Variants in DDR2 observed in about 807,000 individuals in gnomAD.
The protein encoded by DDR2 is discoidin domain-containing receptor 2.
Under a neutral mutation model 94.9 loss-of-function variants are expected in DDR2, and 27 were observed. The observed-to-expected ratio is 0.28, with a 90% CI of 0.21 to 0.39. DDR2 has a LOEUF of 0.39. DDR2 is among the 10% of genes least tolerant of loss of function. DDR2 has a pLI of 1.00. For synonymous variants in DDR2, 382 were observed against 377.2 expected (o/e 1.01, Z -0.15); for missense variants, 783 against 1,076.0 (o/e 0.73, Z 3.81).
intron 1 of DDR2, among the ~76,000 whole-genome samples, chr1:162,638,302 T>C (rs1656941674): frequency 6.6e-6 from 1 of 152,244 alleles, no homozygotes; most frequent in South Asian, 2.1e-4. Flanking sequence ...ATTACAGGCA[T>C]GAGCCACTGC....
At chr1:162,741,204 C>CAATATAATAT (rs1213689449) in intron 3 of DDR2, among the ~76,000 whole-genome samples, 14 of 50,338 alleles carry the variant, frequency 2.8e-4, no homozygotes, top group East Asian at 1.7e-3. Context: ...TAATACAATA[C>CAATATAATAT]AATACAATAT....
intron 9 of DDR2, among the ~76,000 whole-genome samples, chr1:162,764,133 C>T (rs992527444): frequency 3.3e-5 from 5 of 152,124 alleles, no homozygotes; most frequent in Admixed American, 2.0e-4. Flanking sequence ...GTTAGGGTAA[C>T]AGTGGGATAA....
At chr1:162,642,611 CA>C (rs1386033563) in intron 1 of DDR2, among the ~76,000 whole-genome samples, 1 of 152,044 alleles carries the variant, frequency 6.6e-6, no homozygotes, top group Non-Finnish European at 1.5e-5. Flanking sequence ...ATTTTAACAA[CA>C]AATAGAAGGT....
Position 162,785,515 on chromosome 1 carries a change from A to C in DDR2, c.*5269A>C, listed in dbSNP as rs1333468916. The C allele has an allele frequency of 6.6e-6, 1 of 152,192 alleles. No homozygotes were observed. Among genetic ancestry groups the C allele is most frequent in the African/African-American group, 2.4e-5 (1 of 41,448 alleles). The allele number at this position is 152,192 out of a possible 1,614,324, so 9.4% of individuals were successfully genotyped here. A position where few individuals can be genotyped will look rare whatever the true frequency, so the allele number is the denominator to read the frequency against. On this transcript the variant is annotated 3_prime_UTR_variant, in exon 18 of 18. Transcript: ENST00000367921. Reference sequence around the variant, plus strand: ...AGAAGTTGAAACTCCAGTTTTGTGGATTACAGTTTTGAGTTTTATGATTGA... The same window carrying C: ...AGAAGTTGAAACTCCAGTTTTGTGGCTTACAGTTTTGAGTTTTATGATTGA...
At chr1:162,685,686 C>T (rs999695371) in intron 2 of DDR2, among the ~76,000 whole-genome samples, 9 of 151,934 alleles carry the variant, frequency 5.9e-5, no homozygotes, top group South Asian at 2.1e-4. Context: ...ACTGTTTTAT[C>T]GACGTACATA....
intron 3 of DDR2, among the ~76,000 whole-genome samples, chr1:162,747,527 G>T (rs1044723054): frequency 6.6e-6 from 1 of 151,552 alleles, no homozygotes; most frequent in Non-Finnish European, 1.5e-5. Flanking sequence ...CATCTGACTG[G>T]TGTACCTGAA....
At chr1:162,723,552 T>G (rs1172754989) in intron 3 of DDR2, among the ~76,000 whole-genome samples, 2 of 152,126 alleles carry the variant, frequency 1.3e-5, no homozygotes. Flanking sequence ...AATAGAACTA[T>G]CCTGATGATC....
chr1:162,697,195 A>G (rs904562972), intron 2 of DDR2, among the ~76,000 whole-genome samples: 6 of 152,202 alleles, frequency 3.9e-5, no homozygotes, highest in Admixed American at 2.0e-4. Flanking sequence ...GATAAAGACT[A>G]TTGGTTAGAG....
At chr1:162,641,522 C>A (rs1571132518) in intron 1 of DDR2, among the ~76,000 whole-genome samples, 1 of 152,188 alleles carries the variant, frequency 6.6e-6, no homozygotes, top group Admixed American at 6.5e-5. Context: ...GGTGATTGCT[C>A]TAACTCACCT....
chr1:162,768,466 G>T (rs1267924534), intron 11 of DDR2, among the ~76,000 whole-genome samples: 2 of 152,182 alleles, frequency 1.3e-5, no homozygotes, highest in East Asian at 3.9e-4. Context: ...GAGAAATCCT[G>T]ATTGATTTCT....
chr1:162,732,245 C>T (rs550059233), intron 3 of DDR2, among the ~76,000 whole-genome samples: 3 of 152,148 alleles, frequency 2.0e-5, no homozygotes, highest in African/African-American at 7.2e-5. Flanking sequence ...AGAAAGAAAC[C>T]CAAATAATCT....
At chr1:162,687,505 C>T (rs1175437467) in intron 2 of DDR2, among the ~76,000 whole-genome samples, 2 of 152,090 alleles carry the variant, frequency 1.3e-5, no homozygotes, top group Non-Finnish European at 2.9e-5. Context: ...TTAAATTTTA[C>T]ACATTGTTGG....
At chr1:162,641,645 G>A (rs977423830) in intron 1 of DDR2, among the ~76,000 whole-genome samples, 3 of 152,178 alleles carry the variant, frequency 2.0e-5, no homozygotes, top group Admixed American at 6.5e-5. Flanking sequence ...AATTTTTAGA[G>A]GGCAGTAATT....
At chr1:162,741,695 A>G in intron 3 of DDR2, 1 of 985,416 alleles carries the variant, frequency 1.0e-6, no homozygotes, top group South Asian at 4.7e-5. Context: ...ACATACACAC[A>G]GGTGACAGTC....
rs1268023328 is a variant in DDR2, at chr1:162,761,340, C to T, written c.985C>T (p.Pro329Ser). Residue 329 changes from proline (P) to serine (S), a missense_variant, in exon 9 of 18, where the codon CCC becomes TCC. Pro to Ser is a moderately conservative substitution (Grantham distance 74). Coordinates refer to ENST00000367921, the MANE Select transcript of DDR2 (RefSeq NM_006182.4). ...SFPLVLDDVN[P>S]SARFVTVPLH... ...CCCCCTTGTCCTGGATGACGTCAAC[C>T]CCAGTGCTCGGTTTGTCACGGTGCC... 1 of 1,614,194 alleles carries T rather than the reference C, an allele frequency of 6.2e-7. No homozygotes were observed. Among genetic ancestry groups the T allele is most frequent in the East Asian group, 2.2e-5 (1 of 44,882 alleles).
intron 13 of DDR2, 108 bp downstream of exon 13, chr1:162,772,355 T>G: frequency 3.1e-5 from 36 of 1,149,106 alleles, no homozygotes; most frequent in Non-Finnish European, 4.0e-5. Context: ...AGAATGTCTC[T>G]TCCATTTGTC....
chr1:162,785,269 A>G lies in DDR2; in HGVS notation c.*5023A>G, dbSNP rs1436330517. On this transcript the variant is annotated 3_prime_UTR_variant, in exon 18 of 18. Transcript: ENST00000367921. ...GCACTGGGGACAAAATAAGGAGTTT[A>G]GAGTAAACCAGTATTTCAGTCAAGA... 1.3e-5 allele frequency: 2 copies of G among 152,212 alleles called. No homozygotes were observed. The highest frequency in any genetic ancestry group is 2.9e-5 in the Non-Finnish European group (2 of 68,038). The allele number at this position is 152,212 out of a possible 1,614,324, so 9.4% of individuals were successfully genotyped here. A position where few individuals can be genotyped will look rare whatever the true frequency, so the allele number is the denominator to read the frequency against.
chr1:162,660,512 G>A (rs1658239983), intron 2 of DDR2, among the ~76,000 whole-genome samples: 2 of 152,134 alleles, frequency 1.3e-5, no homozygotes, highest in Non-Finnish European at 2.9e-5. Context: ...ATCAGAATCT[G>A]TAATTTGATT....
Position 162,664,981 on chromosome 1 carries a change from T to C in DDR2, c.-28+9607T>C, listed in dbSNP as rs186717921. Among the ~76,000 whole-genome samples, 321 of 152,348 alleles carry C rather than the reference T, an allele frequency of 2.1e-3. 1 individual carries two copies. The highest frequency in any genetic ancestry group is 4.1e-3 in the Non-Finnish European group (277 of 68,036). ...AAAATGGTAAGTTTGCTATTTGAGC[T>C]CTGCTCGAACATATGGAGTAGTTCT... On this transcript the variant is annotated intron_variant, in intron 2 of 17. Coordinates refer to ENST00000367921, the MANE Select transcript of DDR2 (RefSeq NM_006182.4).
Sources: allele counts gnomAD v4.1 joint callset (sites outside exome capture counted in the v4.1 genomes callset), GRCh38; gene constraint gnomAD v4.1.1; transcripts MANE v1.5; gene names NCBI Gene and HGNC (gene_info 2026-07-23, HGNC 2026-07-21).